The following RAPGEF2 variants were observed in gnomAD, a reference collection of about 807,000 sequenced individuals.
RAPGEF2 encodes the protein Rap guanine nucleotide exchange factor 2.
RAPGEF2 carries 54 observed loss-of-function variants against 186.7 expected under a neutral mutation model. The observed-to-expected ratio is 0.29, with a 90% confidence interval of 0.23 to 0.36. The LOEUF is 0.36. Ranked by LOEUF, RAPGEF2 falls within the 10% of genes least tolerant of loss-of-function variation. The pLI, the probability that RAPGEF2 is intolerant of heterozygous loss-of-function variation, is 1.00. For synonymous variants in RAPGEF2, 712 were observed against 705.9 expected, an observed-to-expected ratio of 1.01 and a Z score of -0.14; for missense variants, 1,532 against 2,045.0, an observed-to-expected ratio of 0.75 and a Z score of 4.84.
In RAPGEF2 at chr4:159,346,784, A is replaced by T. The variant is rs17038050; in HGVS notation, c.3503-5A>T. The T allele has an allele frequency of 2.4e-4, 383 of 1,612,798 alleles. 3 individuals carry two copies. The South Asian group carries it at 4.0e-3, about 17-fold the overall frequency. On this transcript the variant is annotated splice_polypyrimidine_tract_variant and splice_region_variant and intron_variant, in intron 24 of 29. Coordinates refer to ENST00000691494, the MANE Select transcript of RAPGEF2 (RefSeq NM_001394067.2). Reference sequence around the variant, plus strand: ...GTTCTATTTTCAAACCCAAACAATTATCAGTGCCTAAGAATCCTGGTGACA... The same window carrying T: ...GTTCTATTTTCAAACCCAAACAATTTTCAGTGCCTAAGAATCCTGGTGACA...
At chr4:159,273,068 T>G (rs563964932) in intron 7 of RAPGEF2, among the ~76,000 whole-genome samples, 1 of 152,320 alleles carries the variant, frequency 6.6e-6, no homozygotes, top group East Asian at 1.9e-4. Flanking sequence ...CAGGACTAAT[T>G]GTAGAGGCTA....
At chr4:159,281,015 CT>C (rs1759625287) in intron 7 of RAPGEF2, among the ~76,000 whole-genome samples, 1 of 147,646 alleles carries the variant, frequency 6.8e-6, no homozygotes, top group African/African-American at 2.5e-5. Context: ...GAGACGGAGT[CT>C]CGGTCTGTCT....
chr4:159,181,559 G>A (rs1747007883), intron 1 of RAPGEF2, among the ~76,000 whole-genome samples: 1 of 148,934 alleles, frequency 6.7e-6, no homozygotes, highest in Non-Finnish European at 1.5e-5. Flanking sequence ...AAGCTCCTCA[G>A]AAATGGGAAG....
chr4:159,238,949 T>TA, intron 5 of RAPGEF2, 65 bp downstream of exon 5: 1 of 983,290 alleles, frequency 1.0e-6, no homozygotes. Context: ...GGCATTTTTA[T>TA]AAACTGCTTA....
At chr4:159,203,890 G>A (rs1253067182) in intron 3 of RAPGEF2, among the ~76,000 whole-genome samples, 2 of 152,224 alleles carry the variant, frequency 1.3e-5, no homozygotes, top group Non-Finnish European at 2.9e-5. Flanking sequence ...TTTTGCAGTT[G>A]AGGAACTAGA....
At chr4:159,206,034 A>G (rs544646957) in intron 3 of RAPGEF2, among the ~76,000 whole-genome samples, 1 of 151,616 alleles carries the variant, frequency 6.6e-6, no homozygotes, top group East Asian at 1.9e-4. Flanking sequence ...GGTTCACGCC[A>G]TTCTCCTGCC....
Position 159,341,712 on chromosome 4 carries a change from C to T in RAPGEF2, c.2683C>T (p.Arg895Cys), listed in dbSNP as rs1428920672. Reference protein sequence around the residue: ...QLSMRNFELFRNIEPTEYIDD... With the variant: ...QLSMRNFELFCNIEPTEYIDD... ...CTCTATGCGAAATTTTGAACTCTTT[C>T]GCAACATTGAACCTACTGAATATAT... is the stretch of plus-strand genomic sequence containing the variant. Residue 895 changes from arginine (R) to cysteine (C), a missense_variant, in exon 20 of 30, where the codon CGC (arginine) becomes TGC (cysteine). Coordinates refer to ENST00000691494, the MANE Select transcript of RAPGEF2 (RefSeq NM_001394067.2). 11 of 1,613,912 alleles carry T rather than the reference C, an allele frequency of 6.8e-6. No individual in the cohort carries two copies. The highest frequency in any genetic ancestry group is 3.3e-5 in the South Asian group (3 of 91,076).
rs1349198738 is a variant in RAPGEF2, at chr4:159,359,155, TTG to T, written c.*1018_*1019del. On this transcript the variant is annotated 3_prime_UTR_variant, in exon 30 of 30. Coordinates refer to ENST00000691494, the MANE Select transcript of RAPGEF2 (RefSeq NM_001394067.2). ...GGTGTAGGTTTTGTTTTTTGTTTTT[TTG>T]TTTTTTTTTAAGAGAAACATTTATA... 1.3e-5 allele frequency: 2 copies of T among 152,142 alleles called. No individual in the cohort carries two copies. Among genetic ancestry groups the T allele is most frequent in the Non-Finnish European group, 2.9e-5 (2 of 68,036 alleles). The allele number at this position is 152,142 out of a possible 1,614,324, so 9.4% of individuals were successfully genotyped here. A position where few individuals can be genotyped will look rare whatever the true frequency, so the allele number is the denominator to read the frequency against.
intron 1 of RAPGEF2, among the ~76,000 whole-genome samples, chr4:159,145,364 T>C (rs1316776265): frequency 6.6e-6 from 1 of 152,154 alleles, no homozygotes; most frequent in Non-Finnish European, 1.5e-5. Context: ...TAAAATGAAA[T>C]GGATAAAATA....
intron 4 of RAPGEF2, among the ~76,000 whole-genome samples, chr4:159,219,224 C>G (rs778014752): frequency 6.6e-6 from 1 of 151,940 alleles, no homozygotes. Context: ...AAGCATTAAC[C>G]TATGAAGTAA....
intron 1 of RAPGEF2, among the ~76,000 whole-genome samples, chr4:159,147,854 CA>C (rs146913205): frequency 0.013 from 1,927 of 152,302 alleles, 44 homozygotes; most frequent in African/African-American, 0.045. Flanking sequence ...TACAGATTTA[CA>C]GGTAGTTGAA....
intron 1 of RAPGEF2, among the ~76,000 whole-genome samples, chr4:159,172,815 A>G (rs1003161407): frequency 6.6e-6 from 1 of 152,156 alleles, no homozygotes; most frequent in East Asian, 1.9e-4. Flanking sequence ...TAGAAAATAC[A>G]TATTTTTACA....
intron 9 of RAPGEF2, among the ~76,000 whole-genome samples, chr4:159,322,009 T>C (rs1275846923): frequency 6.6e-6 from 1 of 152,214 alleles, no homozygotes; most frequent in East Asian, 1.9e-4. Flanking sequence ...TTCTCAGAGC[T>C]ACCTTTCATT....
At chr4:159,211,284 ATC>A (rs1750501083) in intron 4 of RAPGEF2, among the ~76,000 whole-genome samples, 1 of 152,166 alleles carries the variant, frequency 6.6e-6, no homozygotes, top group Non-Finnish European at 1.5e-5. Context: ...GTTAGGGCTC[ATC>A]TGTTACATAC....
intron 4 of RAPGEF2, among the ~76,000 whole-genome samples, chr4:159,214,748 A>C (rs1419935211): frequency 1.3e-5 from 2 of 151,750 alleles, no homozygotes; most frequent in African/African-American, 4.9e-5. Context: ...TTTGTTAAAG[A>C]AGGAGATAGT....
At chr4:159,156,005 A>C (rs914183857) in intron 1 of RAPGEF2, among the ~76,000 whole-genome samples, 1 of 152,218 alleles carries the variant, frequency 6.6e-6, no homozygotes, top group Non-Finnish European at 1.5e-5. Context: ...TTATTCCCTT[A>C]TAAAAGTTAC....
chr4:159,165,813 G>A (rs1039604394), intron 1 of RAPGEF2, among the ~76,000 whole-genome samples: 1 of 152,044 alleles, frequency 6.6e-6, no homozygotes, highest in African/African-American at 2.4e-5. Context: ...GGCTGGTCTC[G>A]AATTTATGGG....
intron 7 of RAPGEF2, among the ~76,000 whole-genome samples, chr4:159,289,765 T>C (rs990921686): frequency 1.3e-5 from 2 of 152,172 alleles, no homozygotes; most frequent in African/African-American, 4.8e-5. Flanking sequence ...CTTACAAGAA[T>C]TTCTAACTTC....
At position 159,159,499 on chromosome 4, in the gene RAPGEF2, C is replaced by T. The variant is rs921559297; in HGVS notation, c.70-27143C>T. 1.8e-4 allele frequency among the ~76,000 whole-genome samples: 22 copies of T among 121,832 alleles called. No homozygotes were observed. In the East Asian group the frequency reaches 3.6e-3, roughly 20 times the overall value. 79.9% of individuals were successfully genotyped at this position (121,832 alleles called of 152,430 possible). On this transcript the variant is annotated intron_variant, in intron 1 of 29. Coordinates refer to ENST00000691494, the MANE Select transcript of RAPGEF2 (RefSeq NM_001394067.2). Reference sequence around the variant, plus strand: ...CAACCTATAGATGTTTTCAAGAAAACTGAGTGTAGTGTTGTTCCAAGAAAA... The same window carrying T: ...CAACCTATAGATGTTTTCAAGAAAATTGAGTGTAGTGTTGTTCCAAGAAAA...
Sources: allele counts gnomAD v4.1 joint callset (sites outside exome capture counted in the v4.1 genomes callset), GRCh38; gene constraint gnomAD v4.1.1; transcripts MANE v1.5; gene names NCBI Gene and HGNC (gene_info 2026-07-23, HGNC 2026-07-21).